The following VPS50 variants were observed in gnomAD, a reference collection of about 807,000 sequenced individuals.
VPS50 encodes syndetin.
VPS50 carries 70 observed loss-of-function variants against 139.7 expected under a neutral mutation model. That is an observed-to-expected ratio of 0.50 (90% CI 0.41 to 0.61). The LOEUF (loss-of-function observed/expected upper bound fraction) is 0.61. Ranked by LOEUF, VPS50 falls within the 20% of genes least tolerant of loss-of-function variation. The pLI is 0.00. For missense variants in VPS50, 921 were observed against 1,133.7 expected, an observed-to-expected ratio of 0.81 and a Z score of 2.69; for synonymous variants, 365 against 376.7, an observed-to-expected ratio of 0.97 and a Z score of 0.36.
chr7:93,264,354 AT>A (rs2116859752), intron 9 of VPS50, among the ~76,000 whole-genome samples: 1 of 152,370 alleles, frequency 6.6e-6, no homozygotes, highest in South Asian at 2.1e-4. Flanking sequence ...GAATGTGTTT[AT>A]GCTAAAGTGC....
At chr7:93,345,982 A>G (rs889884184) in intron 23 of VPS50, among the ~76,000 whole-genome samples, 3 of 152,212 alleles carry the variant, frequency 2.0e-5, no homozygotes, top group African/African-American at 2.4e-5. Context: ...GGCCAGGGCA[A>G]TTAGTCAGGA....
In VPS50 at chr7:93,239,971, C is replaced by T. The variant is rs919017550; in HGVS notation, c.102+37C>T. The T allele has an allele frequency of 3.3e-6, 4 of 1,229,494 alleles. No homozygotes were observed. In the East Asian group the frequency reaches 7.0e-5, roughly 22 times the overall value. 76.2% of individuals were successfully genotyped at this position (1,229,494 alleles called of 1,614,324 possible). A position where few individuals can be genotyped will look rare whatever the true frequency, so the allele number is the denominator to read the frequency against. ...CACGTGTGAGCGTGACTTTTTACTT[C>T]CTTAAGAAAATATGATTGCCTCTGG... is the stretch of plus-strand genomic sequence containing the variant. On this transcript the variant is annotated intron_variant, in intron 2 of 27. Transcript: ENST00000305866.
intron 23 of VPS50, among the ~76,000 whole-genome samples, chr7:93,342,368 G>T (rs997636160): frequency 2.0e-5 from 3 of 152,220 alleles, no homozygotes; most frequent in Non-Finnish European, 4.4e-5. Context: ...AGCAGTCTGA[G>T]ATCAAACTGC....
chr7:93,291,574 G>T (rs1268118604), intron 12 of VPS50, 129 bp from the exon 13 acceptor site: 2 of 501,178 alleles, frequency 4.0e-6, no homozygotes, highest in Non-Finnish European at 6.6e-6. Context: ...TTTCTCTTTA[G>T]ATATGTCAGT....
intron 22 of VPS50, among the ~76,000 whole-genome samples, chr7:93,340,200 C>G (rs1015905827): frequency 8.5e-5 from 13 of 152,298 alleles, no homozygotes; most frequent in Non-Finnish European, 8.8e-5. Flanking sequence ...TGTAATGCAG[C>G]AACTATTCAA....
At chr7:93,342,936 C>T (rs1364556132) in intron 23 of VPS50, among the ~76,000 whole-genome samples, 1 of 152,214 alleles carries the variant, frequency 6.6e-6, no homozygotes, top group Non-Finnish European at 1.5e-5. Flanking sequence ...CTCTCCTCCT[C>T]CAAAGGAACA....
intron 20 of VPS50, among the ~76,000 whole-genome samples, chr7:93,317,440 C>T (rs1392714682): frequency 3.3e-5 from 5 of 152,124 alleles, no homozygotes; most frequent in Non-Finnish European, 5.9e-5. Context: ...ATCCCAGCTA[C>T]TTGGGAGGCT....
intron 20 of VPS50, among the ~76,000 whole-genome samples, chr7:93,315,874 C>A (rs1230477750): frequency 6.8e-6 from 1 of 148,090 alleles, no homozygotes; most frequent in East Asian, 2.0e-4. Flanking sequence ...TTGTTTCTGG[C>A]TAGCTGTTGG....
intron 21 of VPS50, among the ~76,000 whole-genome samples, chr7:93,330,002 G>C (rs1453500911): frequency 6.6e-6 from 1 of 152,134 alleles, no homozygotes; most frequent in Non-Finnish European, 1.5e-5. Context: ...AAATTCAAAA[G>C]ATAATTTTTT....
At chr7:93,341,851 T>G (rs767022417) in intron 23 of VPS50, among the ~76,000 whole-genome samples, 1 of 152,248 alleles carries the variant, frequency 6.6e-6, no homozygotes, top group African/African-American at 2.4e-5. Flanking sequence ...AAAAGCATTA[T>G]ACTATGCTTC....
At chr7:93,246,568 T>C (rs1415353340) in intron 2 of VPS50, among the ~76,000 whole-genome samples, 1 of 151,854 alleles carries the variant, frequency 6.6e-6, no homozygotes, top group Non-Finnish European at 1.5e-5. Flanking sequence ...GTTTAGAAAT[T>C]AGGTTAAATT....
chr7:93,322,822 A>G (rs1010218380), intron 20 of VPS50, among the ~76,000 whole-genome samples: 1 of 152,092 alleles, frequency 6.6e-6, no homozygotes, highest in Non-Finnish European at 1.5e-5. Context: ...GTTATTTGTT[A>G]TTTGATTCTT....
chr7:93,254,294 G>A (rs1795422602), intron 4 of VPS50, among the ~76,000 whole-genome samples: 1 of 152,200 alleles, frequency 6.6e-6, no homozygotes, highest in Admixed American at 6.5e-5. Flanking sequence ...TTTTGAGACA[G>A]GGTCTTGCTC....
intron 12 of VPS50, among the ~76,000 whole-genome samples, chr7:93,291,068 T>TA (rs1445487962): frequency 6.6e-6 from 1 of 151,974 alleles, no homozygotes; most frequent in African/African-American, 2.4e-5. Flanking sequence ...CAAAATAGAA[T>TA]AAAATAAAAG....
chr7:93,312,884 G>A (rs1797312279), intron 20 of VPS50, among the ~76,000 whole-genome samples: 1 of 152,040 alleles, frequency 6.6e-6, no homozygotes. Context: ...ATCCTCCTTA[G>A]CCTTCTAGAC....
At chr7:93,297,876 G>T (rs1194837561) in intron 16 of VPS50, among the ~76,000 whole-genome samples, 1 of 152,132 alleles carries the variant, frequency 6.6e-6, no homozygotes, top group Admixed American at 6.6e-5. Flanking sequence ...CTTGATATAA[G>T]CTAGACCCCA....
chr7:93,319,518 G>A (rs1175020568), intron 20 of VPS50, among the ~76,000 whole-genome samples: 3 of 151,990 alleles, frequency 2.0e-5, no homozygotes, highest in Non-Finnish European at 2.9e-5. Context: ...GAATAGACTT[G>A]TAGATTAAAA....
Position 93,258,164 on chromosome 7 carries a change from T to C in VPS50, c.428T>C (p.Leu143Ser). Reference protein sequence around the residue: ...AVICTNGRRHLNIAKEGFTQA... With the variant: ...AVICTNGRRHSNIAKEGFTQA... ...TTTATTGTTCACTTTTGCAGACACTTGAATATTGCAAAGGAAGGTTTTACT... is the reference window on the plus strand; with the variant it reads ...TTTATTGTTCACTTTTGCAGACACTCGAATATTGCAAAGGAAGGTTTTACT... The change falls in exon 7 of 28, where the codon TTG becomes TCG. Residue 143 changes from leucine (L) to serine (S), a missense_variant. Coordinates refer to ENST00000305866, the MANE Select transcript of VPS50 (RefSeq NM_017667.4). 5 of 1,445,676 alleles carry C rather than the reference T, an allele frequency of 3.5e-6. No homozygotes were observed. The highest frequency in any genetic ancestry group is 3.9e-6 in the Non-Finnish European group (4 of 1,028,958). 89.6% of individuals were successfully genotyped at this position (1,445,676 alleles called of 1,614,324 possible).
chr7:93,312,547 G>C (rs1562881629), intron 20 of VPS50, among the ~76,000 whole-genome samples: 1 of 152,132 alleles, frequency 6.6e-6, no homozygotes, highest in African/African-American at 2.4e-5. Flanking sequence ...CTGTCTCTCT[G>C]TGATTCTAGC....
Sources: allele counts gnomAD v4.1 joint callset (sites outside exome capture counted in the v4.1 genomes callset), GRCh38; gene constraint gnomAD v4.1.1; transcripts MANE v1.5; gene names NCBI Gene and HGNC (gene_info 2026-07-23, HGNC 2026-07-21).